RPS6KA5: variants seen among roughly 807,000 people sequenced by gnomAD.
RPS6KA5 encodes the protein ribosomal protein S6 kinase A5, also known as ribosomal protein S6 kinase alpha-5.
In RPS6KA5, 27 loss-of-function variants were observed where a neutral mutation model predicts 85.5. That is an observed-to-expected ratio of 0.32 (90% CI 0.23 to 0.44). RPS6KA5 has a LOEUF of 0.44. Among genes scored for constraint, RPS6KA5 ranks in the 20% least tolerant of loss-of-function variants. The probability of loss-of-function intolerance (pLI) is 1.00; values close to 1 mark genes in which losing one functional copy is unlikely to be tolerated. For missense variants in RPS6KA5, 811 were observed against 980.9 expected (o/e 0.83, Z 2.31); for synonymous variants, 334 against 348.2 (o/e 0.96, Z 0.46).
intron 5 of RPS6KA5, among the ~76,000 whole-genome samples, chr14:90,939,717 C>T (rs2037470298): frequency 6.6e-6 from 1 of 152,018 alleles, no homozygotes; most frequent in African/African-American, 2.4e-5. Context: ...ATGAGAAAAA[C>T]CTGCCCCCAT....
intron 13 of RPS6KA5, among the ~76,000 whole-genome samples, chr14:90,893,551 T>C (rs1156485939): frequency 3.3e-5 from 5 of 152,140 alleles, no homozygotes; most frequent in Admixed American, 1.3e-4. Context: ...ATAGTGCTTT[T>C]AGAGAAATAA....
chr14:90,907,662 C>CT (rs1380463117), intron 7 of RPS6KA5, among the ~76,000 whole-genome samples: 2 of 152,158 alleles, frequency 1.3e-5, no homozygotes, highest in Non-Finnish European at 2.9e-5. Flanking sequence ...ACCTCTAGCA[C>CT]TTAATTCTGG....
chr14:90,935,222 A>G (rs908975223), intron 5 of RPS6KA5, among the ~76,000 whole-genome samples: 2 of 152,236 alleles, frequency 1.3e-5, no homozygotes, highest in African/African-American at 4.8e-5. Flanking sequence ...TACGTACATT[A>G]TAACAGCAGA....
At chr14:90,881,522 C>T (rs906885959) in intron 14 of RPS6KA5, among the ~76,000 whole-genome samples, 13 of 151,452 alleles carry the variant, frequency 8.6e-5, no homozygotes, top group Non-Finnish European at 1.9e-4. Context: ...GTTTCTGAGA[C>T]GGAGTTTCGC....
At chr14:90,979,213 G>A (rs1390949569) in intron 2 of RPS6KA5, among the ~76,000 whole-genome samples, 1 of 152,216 alleles carries the variant, frequency 6.6e-6, no homozygotes, top group East Asian at 1.9e-4. Flanking sequence ...GAGGAATTGG[G>A]GCCATGTGGG....
intron 14 of RPS6KA5, among the ~76,000 whole-genome samples, chr14:90,880,611 C>T (rs924416570): frequency 6.6e-6 from 1 of 152,106 alleles, no homozygotes; most frequent in African/African-American, 2.4e-5. Context: ...TTCTTATCTT[C>T]TGGCCGGTTG....
Position 90,941,297 on chromosome 14 carries a change from T to C in RPS6KA5, c.618+1781A>G, listed in dbSNP as rs990081327. 3.9e-5 allele frequency among the ~76,000 whole-genome samples: 6 copies of C among 152,280 alleles called. No homozygotes were observed. The East Asian group carries it at 1.2e-3, about 29-fold the overall frequency. ...GATTGCCAAGCCCCAGGCTTCTCTG[T>C]AGAGAGATTTGGCTGGGCCAGTTCA... On this transcript the variant is annotated intron_variant, in intron 5 of 16. Transcript: ENST00000614987.
intron 1 of RPS6KA5, among the ~76,000 whole-genome samples, chr14:91,044,170 T>C (rs1459519458): frequency 6.7e-6 from 1 of 149,162 alleles, no homozygotes; most frequent in Non-Finnish European, 1.5e-5. Context: ...GAGGCTGCAG[T>C]GAGTCGAGAT....
At chr14:90,982,124 T>C (rs888760110) in intron 2 of RPS6KA5, among the ~76,000 whole-genome samples, 1 of 152,248 alleles carries the variant, frequency 6.6e-6, no homozygotes, top group Non-Finnish European at 1.5e-5. Context: ...CTGGTGGCAA[T>C]ATTCTTTTCT....
At position 90,851,282 on chromosome 14, in the gene RPS6KA5, C is replaced by T. The variant is rs2031987012; in HGVS notation, c.*20792G>A. The T allele has an allele frequency of 6.6e-6, 1 of 152,228 alleles. No homozygotes were observed. Among genetic ancestry groups the T allele is most frequent in the Non-Finnish European group, 1.5e-5 (1 of 68,092 alleles). The allele number at this position is 152,228 out of a possible 1,614,324, so 9.4% of individuals were successfully genotyped here. A position where few individuals can be genotyped will look rare whatever the true frequency, so the allele number is the denominator to read the frequency against. ...CTTGATCTCCTGACCTCGTGATCCA[C>T]CCTCCTCAGCCTCCCAAAGTGCTGG... On this transcript the variant is annotated 3_prime_UTR_variant, in exon 17 of 17. Coordinates refer to ENST00000614987, the MANE Select transcript of RPS6KA5 (RefSeq NM_004755.4).
At chr14:90,960,162 G>T (rs2038724596) in intron 3 of RPS6KA5, among the ~76,000 whole-genome samples, 1 of 151,956 alleles carries the variant, frequency 6.6e-6, no homozygotes, top group Admixed American at 6.6e-5. Flanking sequence ...ACGGAGCAAG[G>T]GATTTTCATT....
intron 1 of RPS6KA5, among the ~76,000 whole-genome samples, chr14:91,006,664 A>G (rs1354985952): frequency 6.6e-6 from 1 of 152,222 alleles, no homozygotes; most frequent in African/African-American, 2.4e-5. Flanking sequence ...TTTAAACCAG[A>G]TAGTTTATGG....
intron 1 of RPS6KA5, 179 bp downstream of exon 1, chr14:91,060,153 G>A: frequency 2.0e-6 from 2 of 982,934 alleles, no homozygotes; most frequent in South Asian, 4.7e-5. Flanking sequence ...CCTCCCCCAA[G>A]GCGCGCCCCC....
At chr14:91,017,725 T>C (rs2041566560) in intron 1 of RPS6KA5, among the ~76,000 whole-genome samples, 1 of 152,226 alleles carries the variant, frequency 6.6e-6, no homozygotes, top group South Asian at 2.1e-4. Context: ...AGTAGCCCAC[T>C]AGCAAAATGT....
rs2032728188 is a variant in RPS6KA5, at chr14:90,864,729, C to A, written c.*7345G>T. ...AATATGAACAAATGACTTGAACAGG[C>A]ACTTAATTGAGGATAGCCAAATGAC... On this transcript the variant is annotated 3_prime_UTR_variant, in exon 17 of 17. Coordinates refer to ENST00000614987, the MANE Select transcript of RPS6KA5 (RefSeq NM_004755.4). The A allele has an allele frequency of 6.6e-6, 1 of 152,132 alleles. No individual in the cohort carries two copies. The highest frequency in any genetic ancestry group is 1.5e-5 in the Non-Finnish European group (1 of 68,014). 9.4% of individuals were successfully genotyped at this position (152,132 alleles called of 1,614,324 possible).
intron 4 of RPS6KA5, 46 bp downstream of exon 4, chr14:90,947,389 A>T: frequency 1.0e-6 from 1 of 1,002,058 alleles, no homozygotes; most frequent in Non-Finnish European, 1.6e-6. Flanking sequence ...TTATTACCTT[A>T]GTTAACAGAC....
In RPS6KA5 at chr14:90,853,676, A is replaced by AC. The variant is rs1566658778; in HGVS notation, c.*18397_*18398insG. ...CCATCTCTACTAAAAATACAAAAAA[A>AC]AAAAAAAAAACCCTAAAATTTAACA... On this transcript the variant is annotated 3_prime_UTR_variant, in exon 17 of 17. Transcript: ENST00000614987. 1.3e-5 allele frequency: 2 copies of AC among 150,948 alleles called. No individual in the cohort carries two copies. The highest frequency in any genetic ancestry group is 2.4e-5 in the African/African-American group (1 of 41,048). The allele number at this position is 150,948 out of a possible 1,614,324, so 9.4% of individuals were successfully genotyped here. A position where few individuals can be genotyped will look rare whatever the true frequency, so the allele number is the denominator to read the frequency against.
chr14:91,016,460 C>A (rs1246635071), intron 1 of RPS6KA5, among the ~76,000 whole-genome samples: 1 of 152,070 alleles, frequency 6.6e-6, no homozygotes, highest in African/African-American at 2.4e-5. Context: ...TTCATAATCA[C>A]CAATTTTTAA....
chr14:90,990,411 T>C (rs2040253361), intron 2 of RPS6KA5, among the ~76,000 whole-genome samples: 1 of 152,012 alleles, frequency 6.6e-6, no homozygotes, highest in Non-Finnish European at 1.5e-5. Flanking sequence ...GAAAACAAAA[T>C]GTTTATACAC....
Sources: gnomAD v4.1 joint callset for allele counts (sites outside exome capture counted in the v4.1 genomes callset) on GRCh38, gnomAD v4.1.1 for gene constraint, MANE v1.5 for transcripts, NCBI Gene and HGNC (gene_info 2026-07-23, HGNC 2026-07-21) for gene names.